UNC13C: variants seen among roughly 807,000 people sequenced by gnomAD.
UNC13C encodes the protein unc-13 homolog C, also known as protein unc-13 homolog C.
Under a neutral mutation model 245.4 loss-of-function variants are expected in UNC13C, and 174 were observed. The observed-to-expected ratio is 0.71, with a 90% CI of 0.63 to 0.80. The LOEUF (loss-of-function observed/expected upper bound fraction) is 0.80, where lower values mean the gene tolerates loss of function less well. Among genes scored for constraint, UNC13C ranks in the 30% least tolerant of loss-of-function variants. The pLI is 0.00. For missense variants in UNC13C, 2,829 were observed against 2,602.9 expected (o/e 1.09, Z -1.89); for synonymous variants, 992 against 895.1 (o/e 1.11, Z -1.93).
chr15:54,395,957 A>G (rs2040061236), intron 18 of UNC13C, among the ~76,000 whole-genome samples: 1 of 151,712 alleles, frequency 6.6e-6, no homozygotes, highest in South Asian at 2.1e-4. Context: ...TATTTTCTCA[A>G]TTTTTAAAAT....
intron 31 of UNC13C, among the ~76,000 whole-genome samples, 156 bp downstream of exon 31, chr15:54,622,575 A>G (rs1333143593): frequency 6.6e-6 from 1 of 152,232 alleles, no homozygotes; most frequent in African/African-American, 2.4e-5. Flanking sequence ...TTGATTAAAA[A>G]TAGAAAAATA....
intron 4 of UNC13C, among the ~76,000 whole-genome samples, chr15:54,211,838 G>A (rs753173987): frequency 4.6e-5 from 7 of 152,108 alleles, no homozygotes; most frequent in Non-Finnish European, 7.4e-5. Flanking sequence ...GCAGGACTGA[G>A]GTCAGGATGC....
chr15:54,234,395 T>A (rs1567121757), intron 4 of UNC13C, among the ~76,000 whole-genome samples: 1 of 152,198 alleles, frequency 6.6e-6, no homozygotes, highest in South Asian at 2.1e-4. Context: ...TTAATCAATA[T>A]GCTATTGATG....
chr15:53,965,950 T>C, the UNC13C span, among the ~76,000 whole-genome samples: 1 of 152,186 alleles, frequency 6.6e-6, no homozygotes, highest in Non-Finnish European at 1.5e-5. Context: ...CCACATTTTC[T>C]TAATCCAGTC....
the UNC13C span, among the ~76,000 whole-genome samples, chr15:53,938,775 A>G: frequency 6.6e-6 from 1 of 152,222 alleles, no homozygotes; most frequent in Non-Finnish European, 1.5e-5. Flanking sequence ...TAATGAAATT[A>G]AGGCAGAAAT....
intron 11 of UNC13C, among the ~76,000 whole-genome samples, chr15:54,296,392 T>A (rs2037435301): frequency 8.8e-6 from 1 of 113,736 alleles, no homozygotes; most frequent in Non-Finnish European, 1.8e-5. Context: ...TATTTTTTTT[T>A]ATTTTTTAGT....
intron 2 of UNC13C, among the ~76,000 whole-genome samples, chr15:54,133,658 A>G (rs1037804961): frequency 1.3e-5 from 2 of 152,180 alleles, no homozygotes; most frequent in African/African-American, 4.8e-5. Context: ...AGTACCCAGC[A>G]TGTAATTACA....
At chr15:53,915,238 C>A in the UNC13C span, among the ~76,000 whole-genome samples, 4 of 152,170 alleles carry the variant, frequency 2.6e-5, no homozygotes, top group African/African-American at 9.7e-5. Flanking sequence ...AAAATATGTC[C>A]TATGTGTCCT....
At chr15:53,841,774 G>T in the UNC13C span, among the ~76,000 whole-genome samples, 1 of 152,130 alleles carries the variant, frequency 6.6e-6, no homozygotes, top group South Asian at 2.1e-4. Context: ...TGCACTACTT[G>T]CCAGAGAAAG....
At chr15:54,413,081 T>C (rs1001740985) in intron 18 of UNC13C, among the ~76,000 whole-genome samples, 3 of 152,132 alleles carry the variant, frequency 2.0e-5, no homozygotes, top group Non-Finnish European at 2.9e-5. Context: ...TGTTGATTCA[T>C]TTTTGAAGGT....
rs1555405206 is a variant in UNC13C at position 54,028,705 on chromosome 15, T to TG, written c.2983+12820dup. 9.6e-4 allele frequency among the ~76,000 whole-genome samples: 142 copies of TG among 147,560 alleles called. 1 individual carries two copies. The highest frequency in any genetic ancestry group is 3.5e-3 in the African/African-American group (137 of 39,596). ...AAGTCTTTTTTTTTTTTTTTTTTTTTGAGACGGAGTCTCGCTCTGTTGTCA... is the reference window on the plus strand; with the variant it reads ...AAGTCTTTTTTTTTTTTTTTTTTTTTGGAGACGGAGTCTCGCTCTGTTGTCA... On this transcript the variant is annotated intron_variant, in intron 2 of 32. Transcript: ENST00000260323.
chr15:54,593,141 C>T (rs1454943743), intron 30 of UNC13C, among the ~76,000 whole-genome samples: 1 of 152,126 alleles, frequency 6.6e-6, no homozygotes. Context: ...AGGGCCCAAT[C>T]CCTTTTAGCT....
At chr15:54,271,620 A>G (rs1248367290) in intron 10 of UNC13C, among the ~76,000 whole-genome samples, 1 of 152,166 alleles carries the variant, frequency 6.6e-6, no homozygotes, top group Non-Finnish European at 1.5e-5. Flanking sequence ...TCCTTTTTGC[A>G]AACTTCTGAA....
At chr15:54,541,480 T>C (rs1331972220) in intron 26 of UNC13C, among the ~76,000 whole-genome samples, 1 of 151,970 alleles carries the variant, frequency 6.6e-6, no homozygotes, top group Non-Finnish European at 1.5e-5. Context: ...GAGGCCAGGG[T>C]CATATGATAG....
chr15:54,046,759 T>A (rs577290587), intron 2 of UNC13C, among the ~76,000 whole-genome samples: 2 of 151,938 alleles, frequency 1.3e-5, no homozygotes, highest in Non-Finnish European at 2.9e-5. Flanking sequence ...ATATAAACAG[T>A]ACAACTTATA....
At chr15:54,116,491 CTTT>C (rs2030257847) in intron 2 of UNC13C, among the ~76,000 whole-genome samples, 1 of 152,168 alleles carries the variant, frequency 6.6e-6, no homozygotes, top group Non-Finnish European at 1.5e-5. Context: ...AAGAGGTCCA[CTTT>C]CTTAGCTCTC....
At position 54,369,191 on chromosome 15, in the gene UNC13C, T is replaced by TCC. The variant is rs904399477; in HGVS notation, c.4714-23849_4714-23848dup. ...GACCATCTGGGATCGATGATTAACC[T>TCC]CCCCCCCCCAAAAAAAAAAGTTGAA... On this transcript the variant is annotated intron_variant, in intron 17 of 32. Transcript: ENST00000260323. 9.3e-4 allele frequency among the ~76,000 whole-genome samples: 126 copies of TCC among 135,584 alleles called. 4 individuals carry two copies. The East Asian group carries it at 0.016, about 18-fold the overall frequency. The allele number at this position is 135,584 out of a possible 152,430, so 88.9% of individuals were successfully genotyped here.
At chr15:53,995,178 A>C (rs553114262) in intron 1 of UNC13C, among the ~76,000 whole-genome samples, 2 of 152,302 alleles carry the variant, frequency 1.3e-5, no homozygotes, top group African/African-American at 4.8e-5. Flanking sequence ...AACAAATAGG[A>C]ATTAATGCAA....
intron 4 of UNC13C, among the ~76,000 whole-genome samples, chr15:54,213,659 C>A (rs2034953752): frequency 6.6e-6 from 1 of 151,932 alleles, no homozygotes; most frequent in Non-Finnish European, 1.5e-5. Flanking sequence ...CTTAAAGACG[C>A]AAGTTGTTGA....
Sources: gnomAD v4.1 joint callset for allele counts (sites outside exome capture counted in the v4.1 genomes callset) on GRCh38, gnomAD v4.1.1 for gene constraint, MANE v1.5 for transcripts, NCBI Gene and HGNC (gene_info 2026-07-23, HGNC 2026-07-21) for gene names.